The following C10orf143 variants were observed in gnomAD, a reference collection of about 807,000 sequenced individuals.
C10orf143 encodes chromosome 10 open reading frame 143.
At chr10:130,039,373 G>A (rs751990544) in intron 3 of C10orf143, among the ~76,000 whole-genome samples, 14 of 152,116 alleles carry the variant, frequency 9.2e-5, no homozygotes, top group Non-Finnish European at 1.9e-4. Flanking sequence ...AGGGGAGTCC[G>A]CCACGTGAGT....
At chr10:130,040,093 G>A (rs1297818022) in intron 3 of C10orf143, among the ~76,000 whole-genome samples, 1 of 152,124 alleles carries the variant, frequency 6.6e-6, no homozygotes, top group East Asian at 1.9e-4. Context: ...CATCAGCAGG[G>A]AACATGAGGA....
chr10:130,070,665 C>T (rs1232684629), intron 3 of C10orf143, among the ~76,000 whole-genome samples: 1 of 152,196 alleles, frequency 6.6e-6, no homozygotes, highest in Non-Finnish European at 1.5e-5. Flanking sequence ...TTGTTTACCA[C>T]TCTCATAAAT....
chr10:130,092,804 C>T (rs2147755), intron 1 of C10orf143, among the ~76,000 whole-genome samples: 35 of 151,072 alleles, frequency 2.3e-4, no homozygotes, highest in Non-Finnish European at 1.5e-5. Context: ...CAATGAAGAT[C>T]AAAAAAAAGA....
chr10:130,053,129 C>T (rs775486051), intron 3 of C10orf143, among the ~76,000 whole-genome samples: 6 of 152,160 alleles, frequency 3.9e-5, no homozygotes, highest in Non-Finnish European at 7.3e-5. Flanking sequence ...GGCATGATCT[C>T]GGCTCACTGC....
intron 1 of C10orf143, among the ~76,000 whole-genome samples, chr10:130,095,728 T>A (rs956869618): frequency 1.1e-5 from 1 of 88,932 alleles, no homozygotes; most frequent in Non-Finnish European, 2.6e-5. Context: ...TTGGGAAGAC[T>A]GGCTAAGCCA....
intron 1 of C10orf143, chr10:130,105,997 T>TTGTTGTGG (rs1325370534): frequency 9.3e-6 from 4 of 431,768 alleles, no homozygotes; most frequent in African/African-American, 2.1e-5. Context: ...TCTCCGCTGC[T>TTGTTGTGG]TGTTGTGGCC....
At position 130,083,542 on chromosome 10, in the gene C10orf143, C is replaced by T. The variant is rs759382302; in HGVS notation, c.70-3641G>A. On this transcript the variant is annotated intron_variant, in intron 1 of 3. Transcript: ENST00000637128. ...GATAAACTATGGTACATCCAAGCAA[C>T]GAAGTACTAGGCAACTGAGAAAAGG... is the stretch of plus-strand genomic sequence containing the variant. 9.2e-5 allele frequency among the ~76,000 whole-genome samples: 14 copies of T among 152,070 alleles called. No individual in the cohort carries two copies. The South Asian group carries it at 2.1e-3, about 22-fold the overall frequency.
At chr10:130,079,324 C>G (rs1861167625) in intron 3 of C10orf143, among the ~76,000 whole-genome samples, 1 of 152,116 alleles carries the variant, frequency 6.6e-6, no homozygotes, top group Non-Finnish European at 1.5e-5. Flanking sequence ...TTTCCTAAAC[C>G]CTGTTTTTTA....
intron 3 of C10orf143, chr10:130,066,888 G>A (rs1443513640): frequency 1.3e-5 from 2 of 152,190 alleles, no homozygotes; most frequent in Non-Finnish European, 2.9e-5. Context: ...TCGACTGTGA[G>A]TCTTACTGCA....
Position 130,108,274 on chromosome 10 carries a change from T to G in C10orf143, c.69+2430A>C, listed in dbSNP as rs751368261. ...CAGGGGATTTCCCAGGTCCACCACA[T>G]GCTCCGTTTGCAATGAGAAATGTCT... is the stretch of plus-strand genomic sequence containing the variant. On this transcript the variant is annotated intron_variant, in intron 1 of 3. Transcript: ENST00000637128. 1.2e-5 allele frequency: 19 copies of G among 1,570,356 alleles called. No individual in the cohort carries two copies. In the South Asian group the frequency reaches 2.0e-4, roughly 16 times the overall value.
chr10:130,107,016 T>TA (rs765191753), intron 1 of C10orf143: 2 of 1,204,068 alleles, frequency 1.7e-6, no homozygotes, highest in Admixed American at 3.4e-5. Flanking sequence ...AATGCTTCTT[T>TA]AAAAACCTTA....
chr10:130,068,728 A>AAGTTCTAC (rs113443728), intron 3 of C10orf143: 88,804 of 150,752 alleles, frequency 0.59, 27,133 homozygotes, highest in Admixed American at 0.7. Context: ...AACTAAACAG[A>AAGTTCTAC]AGTTCTACAG....
At chr10:130,046,634 A>C (rs1178879954) in intron 3 of C10orf143, among the ~76,000 whole-genome samples, 1 of 152,226 alleles carries the variant, frequency 6.6e-6, no homozygotes, top group Non-Finnish European at 1.5e-5. Flanking sequence ...GGGGAAACAC[A>C]CTTCAGATAG....
chr10:130,082,550 G>A (rs1861226569), intron 1 of C10orf143, among the ~76,000 whole-genome samples: 1 of 152,168 alleles, frequency 6.6e-6, no homozygotes, highest in African/African-American at 2.4e-5. Flanking sequence ...GAGATCTGAT[G>A]TTTTATAAGG....
chr10:130,103,955 C>G (rs1255597532), intron 1 of C10orf143: 1 of 152,038 alleles, frequency 6.6e-6, no homozygotes, highest in Non-Finnish European at 1.5e-5. Context: ...TCAGTGAGTT[C>G]TTTAGGGAGA....
At chr10:130,083,242 CA>C (rs1198711973) in intron 1 of C10orf143, among the ~76,000 whole-genome samples, 4 of 152,184 alleles carry the variant, frequency 2.6e-5, no homozygotes, top group South Asian at 2.1e-4. Context: ...CATTTATCAT[CA>C]GAATGGCAAA....
intron 3 of C10orf143, chr10:130,066,205 T>C (rs1002265902): frequency 2.1e-5 from 3 of 140,646 alleles, no homozygotes; most frequent in African/African-American, 9.1e-5. Context: ...TTTTTTTTTT[T>C]GAGACAGGGT....
chr10:130,040,018 A>C (rs1350599597), intron 3 of C10orf143, among the ~76,000 whole-genome samples: 1 of 152,182 alleles, frequency 6.6e-6, no homozygotes. Flanking sequence ...TTGGTATCTT[A>C]GTGAGGATGC....
chr10:130,039,804 C>T (rs964531513), intron 3 of C10orf143, among the ~76,000 whole-genome samples: 2 of 152,204 alleles, frequency 1.3e-5, no homozygotes, highest in African/African-American at 4.8e-5. Flanking sequence ...GGGGCAATGG[C>T]CTTCCCCAAG....
Sources: gnomAD v4.1 joint callset for allele counts (sites outside exome capture counted in the v4.1 genomes callset) on GRCh38, gnomAD v4.1.1 for gene constraint, MANE v1.5 for transcripts, NCBI Gene and HGNC (gene_info 2026-07-23, HGNC 2026-07-21) for gene names.